SYNRG: variants seen among roughly 807,000 people sequenced by gnomAD.
SYNRG encodes the protein AP1 gamma subunit binding protein 1.
A neutral mutation model predicts 130.9 loss-of-function variants in SYNRG; 37 were observed. That is an observed-to-expected ratio of 0.28 (90% CI 0.22 to 0.37). SYNRG has a LOEUF of 0.37. Among genes scored for constraint, SYNRG ranks in the 10% least tolerant of loss-of-function variants. The pLI, the probability that SYNRG is intolerant of heterozygous loss-of-function variation, is 1.00. For missense variants in SYNRG, 1,338 were observed against 1,588.9 expected, an observed-to-expected ratio of 0.84 and a Z score of 2.68; for synonymous variants, 539 against 568.1, an observed-to-expected ratio of 0.95 and a Z score of 0.73.
At chr17:37,529,386 G>A (rs1332378885) in intron 19 of SYNRG, among the ~76,000 whole-genome samples, 1 of 152,162 alleles carries the variant, frequency 6.6e-6, no homozygotes, top group African/African-American at 2.4e-5. Context: ...GTAGGGTGAT[G>A]ATTGGGAAGG....
At chr17:37,569,518 G>A (rs1188499847) in intron 10 of SYNRG, among the ~76,000 whole-genome samples, 1 of 151,580 alleles carries the variant, frequency 6.6e-6, no homozygotes, top group Non-Finnish European at 1.5e-5. Flanking sequence ...AGCCGGGTGT[G>A]GTGGCGGGCA....
chr17:37,589,029 T>C (rs2061926137), intron 3 of SYNRG, among the ~76,000 whole-genome samples: 1 of 152,216 alleles, frequency 6.6e-6, no homozygotes, highest in Admixed American at 6.5e-5. Context: ...GATACTAGTC[T>C]TTAATTATAT....
intron 6 of SYNRG, among the ~76,000 whole-genome samples, chr17:37,578,407 T>A (rs944301564): frequency 1.3e-5 from 2 of 152,166 alleles, no homozygotes; most frequent in Admixed American, 6.5e-5. Context: ...TTCAGAGATT[T>A]TAGAGAATGT....
At chr17:37,562,390 T>TTTCTTC (rs35772731) in intron 11 of SYNRG, among the ~76,000 whole-genome samples, 155 of 151,810 alleles carry the variant, frequency 1.0e-3, no homozygotes, top group African/African-American at 2.7e-3. Context: ...AGCATTACTT[T>TTTCTTC]TTCTTCTTCT....
At chr17:37,551,424 G>A (rs2058700112) in intron 14 of SYNRG, among the ~76,000 whole-genome samples, 1 of 152,144 alleles carries the variant, frequency 6.6e-6, no homozygotes, top group Non-Finnish European at 1.5e-5. Flanking sequence ...TCCTCCAACT[G>A]AAGAGTTAGC....
intron 11 of SYNRG, among the ~76,000 whole-genome samples, chr17:37,565,541 C>A (rs1156257077): frequency 1.9e-4 from 28 of 150,692 alleles, no homozygotes; most frequent in Admixed American, 1.5e-3. Context: ...TGCCTGGCTG[C>A]CCAGTCTGGA....
chr17:37,577,073 A>C (rs2060891027), intron 7 of SYNRG, among the ~76,000 whole-genome samples: 1 of 152,220 alleles, frequency 6.6e-6, no homozygotes, highest in South Asian at 2.1e-4. Context: ...GGAAGAACAG[A>C]AAGTATAAGG....
intron 1 of SYNRG, among the ~76,000 whole-genome samples, chr17:37,603,049 A>G (rs2063430822): frequency 6.6e-6 from 1 of 152,162 alleles, no homozygotes; most frequent in African/African-American, 2.4e-5. Context: ...AAACAAAACA[A>G]AACAAAGTAG....
rs767868597 is a variant in SYNRG, at chr17:37,542,053, C to T, written c.3121G>A (p.Val1041Ile). The T allele has an allele frequency of 3.1e-6, 5 of 1,614,208 alleles. No individual in the cohort carries two copies. Among genetic ancestry groups the T allele is most frequent in the Non-Finnish European group, 4.2e-6 (5 of 1,180,034 alleles). ...KPKISKFDFL[V>I]ATSQSKMKSS... The stretch of plus-strand genomic sequence containing the variant: ...TTCATTTTGCTTTGTGAAGTGGCTA[C>T]TAAGAAGTCAAATTTGCTGATTTTG... Residue 1041 changes from valine to isoleucine, a missense_variant, in exon 15 of 22, where the codon GTA becomes ATA. Val to Ile is a conservative substitution (Grantham distance 29, BLOSUM62 3). Transcript: ENST00000612223.
In SYNRG at chr17:37,553,299, T is replaced by G. The variant is rs768434518; in HGVS notation, c.2424A>C (p.Ala808=). 2 of 1,614,086 alleles carry G rather than the reference T, an allele frequency of 1.2e-6. No homozygotes were observed. Among genetic ancestry groups the G allele is most frequent in the Admixed American group, 1.7e-5 (1 of 59,980 alleles). ...VAFRHTKEDS[A]SVKSLDLPSI... ...AAGGGAGATCTAAGGACTTCACTGATGCAGAGTCTTCTTTGGTGTGTCTGA... is the reference window on the plus strand; with the variant it reads ...AAGGGAGATCTAAGGACTTCACTGAGGCAGAGTCTTCTTTGGTGTGTCTGA... The change falls in exon 14 of 22, where the codon GCA becomes GCC. Residue 808 remains alanine (A), a synonymous_variant. Coordinates refer to ENST00000612223, the MANE Select transcript of SYNRG (RefSeq NM_007247.6).
Position 37,540,363 on chromosome 17 carries a change from GA to G in SYNRG, c.3366+16del, listed in dbSNP as rs752798739. On this transcript the variant is annotated intron_variant, in intron 16 of 21. Coordinates refer to ENST00000612223, the MANE Select transcript of SYNRG (RefSeq NM_007247.6). ...GCTGGTCTGTTACCCACCCCTTGTAGAAAGCTCTCCTCTCACCTCCACCTCT... is the reference window on the plus strand; with the variant it reads ...GCTGGTCTGTTACCCACCCCTTGTAGAAGCTCTCCTCTCACCTCCACCTCT... 5.6e-6 allele frequency: 9 copies of G among 1,612,240 alleles called. No homozygotes were observed. The highest frequency in any genetic ancestry group is 7.6e-6 in the Non-Finnish European group (9 of 1,179,468).
chr17:37,548,347 T>C (rs1383532221), intron 14 of SYNRG, among the ~76,000 whole-genome samples: 3 of 152,244 alleles, frequency 2.0e-5, no homozygotes, highest in Admixed American at 6.5e-5. Context: ...CACAAGGTTT[T>C]TGAAACCAAG....
intron 1 of SYNRG, 151 bp downstream of exon 1, chr17:37,609,128 C>T (rs1440746965): frequency 1.0e-6 from 1 of 960,824 alleles, no homozygotes; most frequent in Non-Finnish European, 1.4e-6. Flanking sequence ...CCACACGCCC[C>T]TTTCGGCCTG....
At chr17:37,582,793 C>A (rs181439342) in intron 6 of SYNRG, among the ~76,000 whole-genome samples, 142 of 152,022 alleles carry the variant, frequency 9.3e-4, no homozygotes, top group African/African-American at 2.9e-3. Flanking sequence ...CCTGGGGGGT[C>A]ATGGCTGCAG....
chr17:37,586,335 A>C (rs937397129), intron 4 of SYNRG, 84 bp downstream of exon 4: 5 of 1,554,788 alleles, frequency 3.2e-6, no homozygotes, highest in Admixed American at 3.7e-5. Context: ...TTAGTTTCAA[A>C]TCTGCACTAG....
rs373808132 is a variant in SYNRG at position 37,540,552 on chromosome 17, A to C, written c.3203-9T>G. ...ACTCCTCTTGTGTGATCCTGGGAGA[A>C]GGGGATAATACAGTCAAAGGTTTTG... is the stretch of plus-strand genomic sequence containing the variant. On this transcript the variant is annotated splice_polypyrimidine_tract_variant and intron_variant, in intron 15 of 21. Transcript: ENST00000612223. 1 of 1,613,238 alleles carries C rather than the reference A, an allele frequency of 6.2e-7. No homozygotes were observed. The highest frequency in any genetic ancestry group is 8.5e-7 in the Non-Finnish European group (1 of 1,179,728).
chr17:37,560,099 C>T (rs1380344768), intron 13 of SYNRG, among the ~76,000 whole-genome samples: 2 of 151,970 alleles, frequency 1.3e-5, no homozygotes, highest in Non-Finnish European at 2.9e-5. Flanking sequence ...TTTGTAGAGA[C>T]AAGGTCTCAC....
chr17:37,586,882 CTT>C (rs2061733305), intron 3 of SYNRG, among the ~76,000 whole-genome samples: 1 of 152,022 alleles, frequency 6.6e-6, no homozygotes, highest in African/African-American at 2.4e-5. Context: ...CACTAATCCT[CTT>C]TGAGAAGAGG....
In SYNRG at chr17:37,542,046, G is replaced by C. The variant is rs1381885498; in HGVS notation, c.3128C>G (p.Thr1043Ser). ...ACTGGATTTCATTTTGCTTTGTGAA[G>C]TGGCTACTAAGAAGTCAAATTTGCT... is the stretch of plus-strand genomic sequence containing the variant. ...KISKFDFLVA[T>S]SQSKMKSSEE... Residue 1043 changes from threonine (T) to serine (S), a missense_variant, in exon 15 of 22, where the codon ACT becomes AGT. Thr to Ser is a moderately conservative substitution (Grantham distance 58). Coordinates refer to ENST00000612223, the MANE Select transcript of SYNRG (RefSeq NM_007247.6). 6.2e-7 allele frequency: 1 copy of C among 1,614,182 alleles called. No homozygotes were observed. Among genetic ancestry groups the C allele is most frequent in the African/African-American group, 1.3e-5 (1 of 75,048 alleles).
Sources: allele counts gnomAD v4.1 joint callset (sites outside exome capture counted in the v4.1 genomes callset), GRCh38; gene constraint gnomAD v4.1.1; transcripts MANE v1.5; gene names NCBI Gene and HGNC (gene_info 2026-07-23, HGNC 2026-07-21).